Variants in METTL16 observed in about 807,000 individuals in gnomAD.
The protein encoded by METTL16 is methyltransferase 16, RNA N6-adenosine.
Under a neutral mutation model 57.9 loss-of-function variants are expected in METTL16, and 19 were observed. That is an observed-to-expected ratio of 0.33 (90% CI 0.23 to 0.48). The LOEUF (loss-of-function observed/expected upper bound fraction) is 0.48. METTL16 is among the 20% of genes least tolerant of loss of function. The probability of loss-of-function intolerance (pLI) is 0.99; values close to 1 mark genes in which losing one functional copy is unlikely to be tolerated. For synonymous variants in METTL16, 246 were observed against 255.6 expected, an observed-to-expected ratio of 0.96 and a Z score of 0.36; for missense variants, 434 against 691.5, an observed-to-expected ratio of 0.63 and a Z score of 4.18.
intron 1 of METTL16, among the ~76,000 whole-genome samples, chr17:2,507,998 G>C (rs138640192): frequency 2.0e-5 from 3 of 152,056 alleles, no homozygotes; most frequent in Non-Finnish European, 4.4e-5. Context: ...GCGGAAGGCC[G>C]CAGGGTTCTC....
chr17:2,484,957 C>T (rs1258390591), intron 2 of METTL16, among the ~76,000 whole-genome samples: 4 of 152,158 alleles, frequency 2.6e-5, no homozygotes, highest in African/African-American at 4.8e-5. Flanking sequence ...TTATACAATT[C>T]ACAGGCTAAT....
At chr17:2,429,350 G>A (rs939246336) in intron 8 of METTL16, among the ~76,000 whole-genome samples, 1 of 150,360 alleles carries the variant, frequency 6.7e-6, no homozygotes, top group Admixed American at 6.7e-5. Flanking sequence ...CATCACACCC[G>A]ACTAAATTTG....
chr17:2,489,732 C>CAAAAAAA lies in METTL16; in HGVS notation c.129-11854_129-11848dup, dbSNP rs61506042. On this transcript the variant is annotated intron_variant, in intron 2 of 9. Transcript: ENST00000263092. ...CCAGCCTGGATGACAGAGCGAGACT[C>CAAAAAAA]AAAAAAAAAAAAAAAAACGAATACT... 2.7e-4 allele frequency among the ~76,000 whole-genome samples: 16 copies of CAAAAAAA among 60,324 alleles called. 6 individuals are homozygous for CAAAAAAA. The highest frequency in any genetic ancestry group is 6.0e-4 in the African/African-American group (7 of 11,678). The allele number at this position is 60,324 out of a possible 152,430, so 39.6% of individuals were successfully genotyped here.
intron 6 of METTL16, among the ~76,000 whole-genome samples, chr17:2,463,787 A>T (rs1000741437): frequency 2.6e-5 from 4 of 151,878 alleles, no homozygotes; most frequent in Non-Finnish European, 5.9e-5. Flanking sequence ...TGTTCTTCTG[A>T]GCACTAGGAT....
chr17:2,421,019 A>AT, intron 8 of METTL16, 115 bp from the exon 9 acceptor site: 1 of 1,147,706 alleles, frequency 8.7e-7, no homozygotes, highest in Non-Finnish European at 1.2e-6. Context: ...ATCATAGAGC[A>AT]CTGAAAACAC....
chr17:2,464,673 T>C (rs182028104), intron 5 of METTL16, among the ~76,000 whole-genome samples: 15 of 152,308 alleles, frequency 9.8e-5, no homozygotes, highest in Admixed American at 7.8e-4. Flanking sequence ...ATTAAACAAA[T>C]ATTTACTTGT....
At chr17:2,435,347 T>C (rs1332938344) in intron 8 of METTL16, among the ~76,000 whole-genome samples, 1 of 152,100 alleles carries the variant, frequency 6.6e-6, no homozygotes, top group Non-Finnish European at 1.5e-5. Flanking sequence ...ACTAGCTCTA[T>C]TCCTTGTCTA....
At chr17:2,447,837 A>G (rs1293325722) in intron 6 of METTL16, among the ~76,000 whole-genome samples, 38 of 64,646 alleles carry the variant, frequency 5.9e-4, no homozygotes, top group Admixed American at 1.1e-3. Context: ...CAGCCGCCCC[A>G]TCCGGGAGGG....
chr17:2,426,728 CAAA>C (rs778818177), intron 8 of METTL16, among the ~76,000 whole-genome samples: 1 of 35,174 alleles, frequency 2.8e-5, no homozygotes. Flanking sequence ...GACTCCGTCT[CAAA>C]AAAAAAAAAA....
intron 4 of METTL16, among the ~76,000 whole-genome samples, chr17:2,472,259 G>T (rs2067240461): frequency 6.6e-6 from 1 of 152,042 alleles, no homozygotes; most frequent in Non-Finnish European, 1.5e-5. Context: ...ACGCCTATTA[G>T]AACGGCCAAA....
intron 1 of METTL16, among the ~76,000 whole-genome samples, chr17:2,503,300 C>A (rs2067503258): frequency 6.6e-6 from 1 of 151,888 alleles, no homozygotes; most frequent in African/African-American, 2.4e-5. Flanking sequence ...AAATATGGAT[C>A]AACAAAATAC....
At chr17:2,469,724 C>T (rs368493663) in intron 4 of METTL16, among the ~76,000 whole-genome samples, 1 of 152,130 alleles carries the variant, frequency 6.6e-6, no homozygotes, top group African/African-American at 2.4e-5. Flanking sequence ...GGAGTTGCAC[C>T]ATGTTGGTCA....
intron 6 of METTL16, among the ~76,000 whole-genome samples, chr17:2,450,050 A>T (rs1236430908): frequency 1.3e-5 from 2 of 152,366 alleles, no homozygotes; most frequent in East Asian, 3.9e-4. Context: ...AATGCTGTAT[A>T]GTCACTTTGA....
intron 8 of METTL16, among the ~76,000 whole-genome samples, chr17:2,435,067 C>T (rs145625129): frequency 4.8e-4 from 73 of 152,338 alleles, no homozygotes; most frequent in Non-Finnish European, 8.1e-4. Context: ...GTAGAACATG[C>T]TTCCTTATAT....
intron 3 of METTL16, among the ~76,000 whole-genome samples, chr17:2,474,778 T>G (rs2067258613): frequency 1.3e-5 from 2 of 152,078 alleles, no homozygotes; most frequent in Admixed American, 6.6e-5. Flanking sequence ...GTACAAAAAT[T>G]AGCTGGGCAT....
intron 2 of METTL16, among the ~76,000 whole-genome samples, chr17:2,483,442 G>A (rs2067320994): frequency 6.6e-6 from 1 of 152,176 alleles, no homozygotes; most frequent in Non-Finnish European, 1.5e-5. Flanking sequence ...GAAGTTTATT[G>A]CATAAATATA....
chr17:2,431,799 T>G (rs988038597), intron 8 of METTL16, among the ~76,000 whole-genome samples: 1 of 152,142 alleles, frequency 6.6e-6, no homozygotes, highest in Non-Finnish European at 1.5e-5. Flanking sequence ...TGGTTTAAAA[T>G]TAAATGTTTA....
intron 6 of METTL16, among the ~76,000 whole-genome samples, chr17:2,457,602 G>C (rs2151560069): frequency 6.6e-6 from 1 of 151,638 alleles, no homozygotes; most frequent in Admixed American, 6.6e-5. Flanking sequence ...CAGCTACTTG[G>C]GAGACTGAGG....
chr17:2,461,915 A>T (rs896949763), intron 6 of METTL16, among the ~76,000 whole-genome samples: 2 of 152,116 alleles, frequency 1.3e-5, no homozygotes, highest in African/African-American at 2.4e-5. Context: ...TCCTATAATC[A>T]TCTATACTAC....
Sources: gnomAD v4.1 joint callset for allele counts (sites outside exome capture counted in the v4.1 genomes callset) on GRCh38, gnomAD v4.1.1 for gene constraint, MANE v1.5 for transcripts, NCBI Gene and HGNC (gene_info 2026-07-23, HGNC 2026-07-21) for gene names.